The following SLC24A2 variants were observed in gnomAD, a reference collection of about 807,000 sequenced individuals.
SLC24A2 encodes the protein sodium/potassium/calcium exchanger 2.
Under a neutral mutation model 62.0 loss-of-function variants are expected in SLC24A2, and 36 were observed. The observed-to-expected ratio is 0.58, with a 90% CI of 0.44 to 0.77. SLC24A2 has a LOEUF of 0.77. SLC24A2 is among the 30% of genes least tolerant of loss of function. The pLI, the probability that SLC24A2 is intolerant of heterozygous loss-of-function variation, is 0.00. For synonymous variants in SLC24A2, 358 were observed against 294.0 expected, an observed-to-expected ratio of 1.22 and a Z score of -2.23; for missense variants, 846 against 817.9, an observed-to-expected ratio of 1.03 and a Z score of -0.42.
At chr9:19,825,632 G>C in the SLC24A2 span, among the ~76,000 whole-genome samples, 2 of 152,074 alleles carry the variant, frequency 1.3e-5, no homozygotes, top group Non-Finnish European at 2.9e-5. Context: ...ATTCATTCTG[G>C]GATGTAGGGT....
chr9:19,864,296 G>A, the SLC24A2 span, among the ~76,000 whole-genome samples: 2 of 151,742 alleles, frequency 1.3e-5, no homozygotes, highest in African/African-American at 4.8e-5. Flanking sequence ...AAATAGAGGA[G>A]GCAGAGGGAA....
chr9:20,303,022 T>A, the SLC24A2 span, among the ~76,000 whole-genome samples: 1 of 152,140 alleles, frequency 6.6e-6, no homozygotes, highest in African/African-American at 2.4e-5. Context: ...TAAACTTCCA[T>A]CCCCAAAAGT....
Position 19,516,189 on chromosome 9 carries a change from T to C in SLC24A2, c.1950A>G (p.Leu650=), listed in dbSNP as rs758796412. 42 of 1,614,114 alleles carry C rather than the reference T, an allele frequency of 2.6e-5. No individual in the cohort carries two copies. Among genetic ancestry groups the C allele is most frequent in the Non-Finnish European group, 3.1e-5 (37 of 1,180,016 alleles). The change falls in exon 11 of 11, where the codon CTA becomes CTG. Residue 650 remains leucine, a synonymous_variant. Transcript: ENST00000341998. The part of the protein sequence containing the change: ...YFVFLVVSVL[L]EDRILTCPVS... ...CGGGGCATGTAAGAATTCTGTCTTCTAGGAGAACGCTCACCACCAGGAACA... is the reference window on the plus strand; with the variant it reads ...CGGGGCATGTAAGAATTCTGTCTTCCAGGAGAACGCTCACCACCAGGAACA...
intron 8 of SLC24A2, among the ~76,000 whole-genome samples, chr9:19,541,856 AGATTCCGT>A (rs2044746486): frequency 6.6e-6 from 1 of 151,628 alleles, no homozygotes; most frequent in Non-Finnish European, 1.5e-5. Context: ...GCAATCAGCG[AGATTCCGT>A]GGGCGTAGGA....
the SLC24A2 span, among the ~76,000 whole-genome samples, chr9:19,933,030 A>G: frequency 6.6e-6 from 1 of 152,238 alleles, no homozygotes; most frequent in African/African-American, 2.4e-5. Flanking sequence ...TGGCCTTCCC[A>G]GCCCTGGGGC....
At chr9:20,285,488 A>G in the SLC24A2 span, among the ~76,000 whole-genome samples, 1 of 152,308 alleles carries the variant, frequency 6.6e-6, no homozygotes, top group Admixed American at 6.5e-5. Flanking sequence ...TGATGTTTCA[A>G]TTCCAAGGCA....
chr9:19,926,348 A>G, the SLC24A2 span: 133 of 152,254 alleles, frequency 8.7e-4, no homozygotes, highest in African/African-American at 3.2e-3. Context: ...ACCTCCCTTC[A>G]AGGAAAGCCC....
chr9:19,833,871 G>C, the SLC24A2 span, among the ~76,000 whole-genome samples: 8 of 152,190 alleles, frequency 5.3e-5, no homozygotes, highest in East Asian at 3.9e-4. Context: ...ACTCCTCTGA[G>C]ACAAAACTTC....
intron 7 of SLC24A2, among the ~76,000 whole-genome samples, chr9:19,554,895 C>T (rs981720989): frequency 1.5e-4 from 23 of 152,188 alleles, no homozygotes; most frequent in African/African-American, 5.6e-4. Flanking sequence ...GATGGCAATG[C>T]TTCCGGGATA....
the SLC24A2 span, among the ~76,000 whole-genome samples, chr9:19,855,478 G>T: frequency 6.6e-6 from 1 of 152,200 alleles, no homozygotes; most frequent in African/African-American, 2.4e-5. Context: ...TTGCAAGGCA[G>T]GCCTGGTTAT....
chr9:20,048,647 A>T, the SLC24A2 span, among the ~76,000 whole-genome samples: 4 of 152,200 alleles, frequency 2.6e-5, no homozygotes, highest in African/African-American at 7.2e-5. Context: ...AGACAAATAA[A>T]ATAAAAGTAT....
At chr9:19,766,814 G>A (rs1395582649) in intron 2 of SLC24A2, among the ~76,000 whole-genome samples, 7 of 152,200 alleles carry the variant, frequency 4.6e-5, no homozygotes, top group Non-Finnish European at 8.8e-5. Context: ...AGCAGAGCTC[G>A]AGTGCTGTGC....
chr9:20,173,383 G>C, the SLC24A2 span, among the ~76,000 whole-genome samples: 4 of 152,006 alleles, frequency 2.6e-5, no homozygotes, highest in African/African-American at 7.2e-5. Flanking sequence ...CAAAGATGAA[G>C]TCAAACTGTC....
chr9:20,256,024 T>C, the SLC24A2 span, among the ~76,000 whole-genome samples: 1 of 152,182 alleles, frequency 6.6e-6, no homozygotes, highest in Non-Finnish European at 1.5e-5. Flanking sequence ...TCTTTATATA[T>C]AATCCCATGG....
At chr9:19,880,578 G>T in the SLC24A2 span, among the ~76,000 whole-genome samples, 3 of 152,110 alleles carry the variant, frequency 2.0e-5, no homozygotes, top group South Asian at 6.2e-4. Flanking sequence ...ATGTGACTTA[G>T]GATAGTAGCT....
intron 2 of SLC24A2, among the ~76,000 whole-genome samples, chr9:19,669,194 A>G (rs1425726479): frequency 1.3e-5 from 2 of 152,182 alleles, no homozygotes; most frequent in Non-Finnish European, 2.9e-5. Flanking sequence ...CAGGAGAAGA[A>G]AAAGAGAAAG....
At chr9:20,108,711 G>T in the SLC24A2 span, among the ~76,000 whole-genome samples, 1 of 146,230 alleles carries the variant, frequency 6.8e-6, no homozygotes, top group Non-Finnish European at 1.5e-5. Context: ...GGTTGGGGGA[G>T]GGGGGAGGGA....
chr9:20,057,205 C>A, the SLC24A2 span, among the ~76,000 whole-genome samples: 2 of 152,146 alleles, frequency 1.3e-5, no homozygotes, highest in African/African-American at 4.8e-5. Context: ...TCATGCTATC[C>A]CTATAACTAT....
chr9:20,002,537 A>G, the SLC24A2 span, among the ~76,000 whole-genome samples: 3 of 152,158 alleles, frequency 2.0e-5, no homozygotes, highest in Non-Finnish European at 4.4e-5. Context: ...CCCATTTTGT[A>G]GATGAGTAAA....
Sources: allele counts gnomAD v4.1 joint callset (sites outside exome capture counted in the v4.1 genomes callset), GRCh38; gene constraint gnomAD v4.1.1; transcripts MANE v1.5; gene names NCBI Gene and HGNC (gene_info 2026-07-23, HGNC 2026-07-21).